CRIM1: variants seen among roughly 807,000 people sequenced by gnomAD.
CRIM1 encodes cysteine-rich motor neuron 1 protein.
In CRIM1, 32 loss-of-function variants were observed where a neutral mutation model predicts 116.4. That is an observed-to-expected ratio of 0.27 (90% CI 0.21 to 0.37). CRIM1 has a LOEUF of 0.37. Among genes scored for constraint, CRIM1 ranks in the 10% least tolerant of loss-of-function variants. The pLI is 1.00. For synonymous variants in CRIM1, 590 were observed against 509.2 expected (o/e 1.16, Z -2.13); for missense variants, 1,331 against 1,354.8 (o/e 0.98, Z 0.28).
intron 2 of CRIM1, among the ~76,000 whole-genome samples, chr2:36,414,236 C>G (rs1198865457): frequency 6.6e-6 from 1 of 152,170 alleles, no homozygotes; most frequent in African/African-American, 2.4e-5. Context: ...CTGTTATATA[C>G]AAATCCTTAT....
At chr2:36,479,908 G>A (rs1055582803) in intron 7 of CRIM1, among the ~76,000 whole-genome samples, 2 of 152,192 alleles carry the variant, frequency 1.3e-5, no homozygotes, top group Admixed American at 1.3e-4. Flanking sequence ...TTTTGCCATT[G>A]CAAATATGCG....
chr2:36,482,519 A>G (rs1679499375), intron 7 of CRIM1, among the ~76,000 whole-genome samples: 1 of 152,250 alleles, frequency 6.6e-6, no homozygotes, highest in Non-Finnish European at 1.5e-5. Context: ...CAGTCATTCA[A>G]TATCATACTT....
At chr2:36,489,377 C>G (rs1385143202) in intron 7 of CRIM1, among the ~76,000 whole-genome samples, 1 of 152,188 alleles carries the variant, frequency 6.6e-6, no homozygotes, top group Non-Finnish European at 1.5e-5. Context: ...TTGGGATGGC[C>G]TCGGGCCTTG....
intron 7 of CRIM1, among the ~76,000 whole-genome samples, chr2:36,480,893 G>GA (rs971031994): frequency 6.6e-5 from 10 of 150,908 alleles, no homozygotes; most frequent in South Asian, 2.1e-4. Context: ...TTTCAGTGCT[G>GA]AAAAAAAAAG....
intron 5 of CRIM1, among the ~76,000 whole-genome samples, chr2:36,472,402 T>C (rs902719070): frequency 1.3e-5 from 2 of 152,204 alleles, no homozygotes; most frequent in African/African-American, 4.8e-5. Flanking sequence ...GTTGTGTGAC[T>C]TTTTTCACCC....
chr2:36,419,802 C>A (rs1254353096), intron 2 of CRIM1, among the ~76,000 whole-genome samples: 1 of 152,206 alleles, frequency 6.6e-6, no homozygotes, highest in Non-Finnish European at 1.5e-5. Flanking sequence ...CATAGGCGAT[C>A]TGCGCAGCAC....
chr2:36,386,656 TC>T (rs1180240920), intron 1 of CRIM1, among the ~76,000 whole-genome samples: 3 of 152,228 alleles, frequency 2.0e-5, no homozygotes, highest in Non-Finnish European at 4.4e-5. Context: ...CTATGATAGT[TC>T]AGTGATGAAG....
At chr2:36,497,903 G>C (rs1680712073) in intron 7 of CRIM1, among the ~76,000 whole-genome samples, 1 of 152,192 alleles carries the variant, frequency 6.6e-6, no homozygotes, top group African/African-American at 2.4e-5. Flanking sequence ...GATGAAACTT[G>C]AGAAAACAGT....
intron 13 of CRIM1, among the ~76,000 whole-genome samples, chr2:36,524,996 T>C (rs1665658997): frequency 6.6e-6 from 1 of 152,186 alleles, no homozygotes; most frequent in Non-Finnish European, 1.5e-5. Flanking sequence ...GTGGACATTT[T>C]GATTCTGATC....
Position 36,494,806 on chromosome 2 carries a change from G to A in CRIM1, c.1373-4413G>A, listed in dbSNP as rs1326941244. On this transcript the variant is annotated intron_variant, in intron 7 of 16. Coordinates refer to ENST00000280527, the MANE Select transcript of CRIM1 (RefSeq NM_016441.3). The stretch of plus-strand genomic sequence containing the variant: ...TTAGAAATAGTTGTAGCCAAAGACA[G>A]TGAATTCCTGCTGTTTCAAGCCTTC... 3.3e-5 allele frequency among the ~76,000 whole-genome samples: 5 copies of A among 152,190 alleles called. No homozygotes were observed. The South Asian group carries it at 8.3e-4, about 25-fold the overall frequency.
rs1391135763 is a variant in CRIM1 at position 36,451,339 on chromosome 2, A to T, written c.869+8604A>T. ...GTCATCTGCCCTCAAGGAAAGAATCAATTAATAGACAGTCTTTCTACCAAA... is the reference window on the plus strand; with the variant it reads ...GTCATCTGCCCTCAAGGAAAGAATCTATTAATAGACAGTCTTTCTACCAAA... On this transcript the variant is annotated intron_variant, in intron 4 of 16. Transcript: ENST00000280527. 2.6e-5 allele frequency among the ~76,000 whole-genome samples: 4 copies of T among 152,338 alleles called. No individual in the cohort carries two copies. In the East Asian group the frequency reaches 7.7e-4, roughly 29 times the overall value.
At chr2:36,451,045 TC>T (rs1676679421) in intron 4 of CRIM1, among the ~76,000 whole-genome samples, 4 of 152,194 alleles carry the variant, frequency 2.6e-5, no homozygotes, top group Admixed American at 2.6e-4. Context: ...ATCCAATTAA[TC>T]TAACCACATA....
chr2:36,394,994 C>T (rs1671909593), intron 1 of CRIM1, among the ~76,000 whole-genome samples: 1 of 149,332 alleles, frequency 6.7e-6, no homozygotes, highest in Admixed American at 6.7e-5. Flanking sequence ...AAATAAGAGC[C>T]ATTTGTTTGT....
intron 2 of CRIM1, among the ~76,000 whole-genome samples, chr2:36,409,447 A>C (rs1673052033): frequency 6.6e-6 from 1 of 152,232 alleles, no homozygotes. Context: ...GGATTTCTGC[A>C]GTCAATGATA....
At chr2:36,484,311 T>G (rs891209681) in intron 7 of CRIM1, among the ~76,000 whole-genome samples, 1 of 152,198 alleles carries the variant, frequency 6.6e-6, no homozygotes, top group African/African-American at 2.4e-5. Context: ...ACATTGTCAT[T>G]AGATATTGAG....
At chr2:36,431,256 C>G (rs1558576106) in intron 2 of CRIM1, among the ~76,000 whole-genome samples, 2 of 152,036 alleles carry the variant, frequency 1.3e-5, no homozygotes, top group Non-Finnish European at 2.9e-5. Flanking sequence ...TGTATATACA[C>G]ATATATGTAT....
At chr2:36,364,846 G>A (rs900484655) in intron 1 of CRIM1, among the ~76,000 whole-genome samples, 1 of 152,050 alleles carries the variant, frequency 6.6e-6, no homozygotes, top group Non-Finnish European at 1.5e-5. Context: ...GTGTGTGTGT[G>A]TATAGTATGT....
Position 36,548,529 on chromosome 2 carries a change from C to T in CRIM1, c.2939C>T (p.Ser980Phe). ...LCWYRTPTKP[S>F]SLNNQLVSVD... Reference sequence around the variant, plus strand: ...ATTCCTCCTCTCATTAAATAGCCTTCTTCCTTAAATAATCAGCTAGTATCT... The same window carrying T: ...ATTCCTCCTCTCATTAAATAGCCTTTTTCCTTAAATAATCAGCTAGTATCT... The change falls in exon 17 of 17, where the codon TCT becomes TTT. Residue 980 changes from serine (S) to phenylalanine (F), a missense_variant. Around this residue, in one of 3 missense-constraint regions of CRIM1, gnomAD observed 283 missense variants for 242.8 expected, o/e 1.17. Coordinates refer to ENST00000280527, the MANE Select transcript of CRIM1 (RefSeq NM_016441.3). 1 of 1,562,916 alleles carries T rather than the reference C, an allele frequency of 6.4e-7. No homozygotes were observed. The highest frequency in any genetic ancestry group is 1.2e-5 in the South Asian group (1 of 82,416).
chr2:36,392,449 C>CTT (rs111710317), intron 1 of CRIM1, among the ~76,000 whole-genome samples: 3 of 148,438 alleles, frequency 2.0e-5, no homozygotes, highest in African/African-American at 4.9e-5. Context: ...CTGTTTTTAA[C>CTT]TTTTTTTTTT....
Sources: allele counts gnomAD v4.1 joint callset (sites outside exome capture counted in the v4.1 genomes callset), GRCh38; gene constraint gnomAD v4.1.1; regional missense constraint gnomAD v4.1.1; transcripts MANE v1.5; gene names NCBI Gene and HGNC (gene_info 2026-07-23, HGNC 2026-07-21).